The following MYOC variants were observed in gnomAD, a reference collection of about 807,000 sequenced individuals.
MYOC encodes the protein myocilin.
A neutral mutation model predicts 28.2 loss-of-function variants in MYOC; 29 were observed. That is an observed-to-expected ratio of 1.03 (90% confidence interval 0.77 to 1.40). The LOEUF (loss-of-function observed/expected upper bound fraction) is 1.40. MYOC is among the 40% of genes most tolerant of loss of function. The pLI is 0.00. For missense variants in MYOC, 569 were observed against 620.6 expected, an observed-to-expected ratio of 0.92 and a Z score of 0.88; for synonymous variants, 240 against 245.6, an observed-to-expected ratio of 0.98 and a Z score of 0.21.
intron 2 of MYOC, among the ~76,000 whole-genome samples, chr1:171,638,061 C>T (rs1369407154): frequency 6.6e-6 from 1 of 152,184 alleles, no homozygotes; most frequent in African/African-American, 2.4e-5. Context: ...TTGTCAATAA[C>T]ATGGATAGTC....
At chr1:171,639,731 A>G (rs982696112) in intron 1 of MYOC, among the ~76,000 whole-genome samples, 1 of 150,952 alleles carries the variant, frequency 6.6e-6, no homozygotes, top group African/African-American at 2.4e-5. Flanking sequence ...CAGGCGGATC[A>G]CTTAAGGCCA....
chr1:171,643,477 C>T (rs1340108327), intron 1 of MYOC: 1 of 152,308 alleles, frequency 6.6e-6, no homozygotes, highest in African/African-American at 2.4e-5. Context: ...GCCCACCGCT[C>T]CCTGGCCCTG....
rs1036807734 is a variant in MYOC, at chr1:171,652,019, C to T, written c.593G>A (p.Gly198Asp). 1 of 1,614,114 alleles carries T rather than the reference C, an allele frequency of 6.2e-7. No individual in the cohort carries two copies. Among genetic ancestry groups the T allele is most frequent in the Non-Finnish European group, 8.5e-7 (1 of 1,180,044 alleles). ...TRDTARAVPP[G>D]SREVSTWNLD... ...CTCTGCATTCTTACCTTCTCTGGAG[C>T]CTGGTGGCACAGCCCGAGCAGTGTC... The change falls in exon 1 of 3, where the codon GGC becomes GAC. Residue 198 changes from glycine to aspartate, a missense_variant. Transcript: ENST00000037502.
At position 171,635,757 on chromosome 1, in the gene MYOC, A is replaced by C. The variant is rs1652902613; in HGVS notation, c.*168T>G. ...AAATTGTCTACGCCCTCAGACTACAATTCCTGAATAGTTAGATGGTGACCA... is the reference window on the plus strand; with the variant it reads ...AAATTGTCTACGCCCTCAGACTACACTTCCTGAATAGTTAGATGGTGACCA... On this transcript the variant is annotated 3_prime_UTR_variant, in exon 3 of 3. Transcript: ENST00000037502. 6 of 680,396 alleles carry C rather than the reference A, an allele frequency of 8.8e-6. No homozygotes were observed. The South Asian group carries it at 1.0e-4, about 12-fold the overall frequency. The allele number at this position is 680,396 out of a possible 1,614,324, so 42.1% of individuals were successfully genotyped here.
intron 1 of MYOC, among the ~76,000 whole-genome samples, chr1:171,649,481 C>G (rs972680241): frequency 2.0e-5 from 3 of 152,178 alleles, no homozygotes; most frequent in Non-Finnish European, 4.4e-5. Context: ...CAGAGGTCAG[C>G]TGAAGGTCTT....
In MYOC at chr1:171,635,929, A is replaced by G. The variant is rs1250923800; in HGVS notation, c.1511T>C (p.Met504Thr). 1.2e-6 allele frequency: 2 copies of G among 1,613,970 alleles called. No individual in the cohort carries two copies. The highest frequency in any genetic ancestry group is 1.7e-6 in the Non-Finnish European group (2 of 1,180,032). Residue 504 changes from methionine to threonine, a missense_variant, in exon 3 of 3, where the codon ATG becomes ACG. Physicochemically the swap from Met to Thr is moderately conservative, Grantham distance 81. Transcript: ENST00000037502. ...CCTGTACAGCTTGGAGGCTTTTCACATCTTGGAGAGCTTGATGTCATAAGT... is the reference window on the plus strand; with the variant it reads ...CCTGTACAGCTTGGAGGCTTTTCACGTCTTGGAGAGCTTGATGTCATAAGT... ...MVTYDIKLSKM is the reference protein window; with the variant it reads ...MVTYDIKLSKT
rs1488630267 is a variant in MYOC at position 171,636,617 on chromosome 1, TG to T, written c.822del (p.Lys275SerfsTer71). The T allele has an allele frequency of 6.2e-7, 1 of 1,612,438 alleles. No homozygotes were observed. Among genetic ancestry groups the T allele is most frequent in the South Asian group, 1.1e-5 (1 of 91,012 alleles). On this transcript the variant is annotated frameshift_variant, in exon 3 of 3. Transcript: ENST00000037502. LOFTEE classifies it low-confidence loss of function (END_TRUNC). The stretch of plus-strand genomic sequence containing the variant: ...TCCTGGGTGTAGGGGTAGGTGGGCT[TG>T]GGGTCTCGCATCCACACACCATACT... ...TGKYGVWMRD[P>X]KPTYPYTQET...
chr1:171,649,397 T>C (rs1391750736), intron 1 of MYOC, among the ~76,000 whole-genome samples: 3 of 152,214 alleles, frequency 2.0e-5, no homozygotes, highest in Non-Finnish European at 4.4e-5. Context: ...TTTCCCTAGA[T>C]CTGGCCTTGA....
chr1:171,640,736 C>T (rs1653057461), intron 1 of MYOC, among the ~76,000 whole-genome samples: 1 of 152,082 alleles, frequency 6.6e-6, no homozygotes, highest in African/African-American at 2.4e-5. Context: ...CTGTCCTCCC[C>T]TCCAACCTCC....
At position 171,639,652 on chromosome 1, in the gene MYOC, C is replaced by A. The variant is rs377012285; in HGVS notation, c.605-930G>T. 3.6e-3 allele frequency among the ~76,000 whole-genome samples: 419 copies of A among 115,192 alleles called. 1 individual carries two copies. Among genetic ancestry groups the A allele is most frequent in the Middle Eastern group, 5.1e-3 (1 of 198 alleles). 75.6% of individuals were successfully genotyped at this position (115,192 alleles called of 152,430 possible). On this transcript the variant is annotated intron_variant, in intron 1 of 2. Transcript: ENST00000037502. ...AGAGCAAGGCCCGGTCTCAAGGTCTCAAAAAAAAAAAAAAAGAGACCGGGC... is the reference window on the plus strand; with the variant it reads ...AGAGCAAGGCCCGGTCTCAAGGTCTAAAAAAAAAAAAAAAAGAGACCGGGC...
chr1:171,646,841 G>A (rs1653217414), intron 1 of MYOC, among the ~76,000 whole-genome samples: 1 of 152,126 alleles, frequency 6.6e-6, no homozygotes, highest in Admixed American at 6.5e-5. Context: ...TCCTTCTGTG[G>A]TTTAAAGGTT....
chr1:171,635,722 T>G lies in MYOC; in HGVS notation c.*203A>C. 2 of 608,868 alleles carry G rather than the reference T, an allele frequency of 3.3e-6. No homozygotes were observed. Among genetic ancestry groups the G allele is most frequent in the Admixed American group, 2.9e-5 (1 of 34,224 alleles). 37.7% of individuals were successfully genotyped at this position (608,868 alleles called of 1,614,324 possible). On this transcript the variant is annotated 3_prime_UTR_variant, in exon 3 of 3. Coordinates refer to ENST00000037502, the MANE Select transcript of MYOC (RefSeq NM_000261.2). ...AATGCTGACAGAAGATAAAGGATAT[T>G]TATTATATGAAATTGTCTACGCCCT... is the stretch of plus-strand genomic sequence containing the variant.
intron 1 of MYOC, 119 bp from the exon 2 acceptor site, chr1:171,638,841 C>T (rs2102945710): frequency 8.5e-7 from 1 of 1,177,978 alleles, no homozygotes; most frequent in South Asian, 1.2e-5. Flanking sequence ...TGCCTGTAAT[C>T]CCAGCACTTT....
chr1:171,637,943 G>A (rs1223944573), intron 2 of MYOC, among the ~76,000 whole-genome samples: 1 of 152,086 alleles, frequency 6.6e-6, no homozygotes, highest in Non-Finnish European at 1.5e-5. Flanking sequence ...GGCACCTTCG[G>A]TTCCCTCATA....
intron 1 of MYOC, among the ~76,000 whole-genome samples, chr1:171,650,174 G>T (rs990354471): frequency 1.3e-5 from 2 of 151,756 alleles, no homozygotes; most frequent in South Asian, 4.2e-4. Flanking sequence ...AAAAAAAAAG[G>T]CAAAACATTG....
intron 2 of MYOC, among the ~76,000 whole-genome samples, chr1:171,638,379 G>A (rs1388934803): frequency 6.6e-6 from 1 of 152,184 alleles, no homozygotes; most frequent in East Asian, 1.9e-4. Context: ...TAGGATAGAG[G>A]GCTTTGTTAG....
chr1:171,635,591 C>A lies in MYOC; in HGVS notation c.*334G>T, dbSNP rs1269689341. 9.0e-6 allele frequency: 4 copies of A among 444,920 alleles called. No homozygotes were observed. Among genetic ancestry groups the A allele is most frequent in the Non-Finnish European group, 1.7e-5 (4 of 241,672 alleles). 27.6% of individuals were successfully genotyped at this position (444,920 alleles called of 1,614,324 possible). ...TGCTTTTTATTGTGGCTTGTGGTAA[C>A]CATGTAACATGCAAGAGCAATGGTT... On this transcript the variant is annotated 3_prime_UTR_variant, in exon 3 of 3. Coordinates refer to ENST00000037502, the MANE Select transcript of MYOC (RefSeq NM_000261.2).
chr1:171,652,017 A>G lies in MYOC; in HGVS notation c.595T>C (p.Ser199Pro). Reference sequence around the variant, plus strand: ...CACTCTGCATTCTTACCTTCTCTGGAGCCTGGTGGCACAGCCCGAGCAGTG... The same window carrying G: ...CACTCTGCATTCTTACCTTCTCTGGGGCCTGGTGGCACAGCCCGAGCAGTG... ...RDTARAVPPG[S>P]REVSTWNLDT... Residue 199 changes from serine to proline, a missense_variant, in exon 1 of 3, where the codon TCC becomes CCC. Ser to Pro is a moderately conservative substitution (Grantham distance 74, BLOSUM62 -1). Coordinates refer to ENST00000037502, the MANE Select transcript of MYOC (RefSeq NM_000261.2). 1 of 1,614,138 alleles carries G rather than the reference A, an allele frequency of 6.2e-7. No individual in the cohort carries two copies. Among genetic ancestry groups the G allele is most frequent in the Non-Finnish European group, 8.5e-7 (1 of 1,180,026 alleles).
intron 1 of MYOC, among the ~76,000 whole-genome samples, chr1:171,646,111 G>C (rs1307912022): frequency 1.3e-5 from 2 of 152,184 alleles, no homozygotes; most frequent in Admixed American, 1.3e-4. Flanking sequence ...AGAGCCATCT[G>C]GCATGCGGGT....
Sources: allele counts gnomAD v4.1 joint callset (sites outside exome capture counted in the v4.1 genomes callset), GRCh38; gene constraint gnomAD v4.1.1; transcripts MANE v1.5; gene names NCBI Gene and HGNC (gene_info 2026-07-23, HGNC 2026-07-21).